Variants in CRAMP1 observed in about 807,000 individuals in gnomAD.
CRAMP1 encodes the protein protein cramped-like.
CRAMP1 carries 50 observed loss-of-function variants against 115.4 expected under a neutral mutation model. The ratio of observed to expected loss-of-function variants is 0.43; its 90% confidence interval spans 0.35 to 0.55. CRAMP1 has a LOEUF of 0.55. Among genes scored for constraint, CRAMP1 ranks in the 20% least tolerant of loss-of-function variants. The pLI is 0.01. For missense variants in CRAMP1, 1,679 were observed against 1,721.7 expected (o/e 0.98, Z 0.44); for synonymous variants, 866 against 745.4 (o/e 1.16, Z -2.64).
intron 20 of CRAMP1, 76 bp from the exon 21 acceptor site, chr16:1,673,805 C>T: frequency 7.0e-7 from 1 of 1,420,332 alleles, no homozygotes; most frequent in Non-Finnish European, 9.9e-7. Context: ...GCTTCTCGTC[C>T]TGTTTCAGGA....
At chr16:1,665,934 G>C in intron 14 of CRAMP1, 139 bp from the exon 15 acceptor site, 1 of 631,470 alleles carries the variant, frequency 1.6e-6, no homozygotes, top group African/African-American at 1.8e-5. Context: ...TTAGCATTTG[G>C]AATGTTCAGT....
In CRAMP1 at chr16:1,614,639, G is replaced by A. The variant is rs2036400862; in HGVS notation, c.-1G>A. On this transcript the variant is annotated splice_region_variant and 5_prime_UTR_variant, in exon 2 of 21. Coordinates refer to ENST00000397412, the MANE Select transcript of CRAMP1 (RefSeq NM_020825.4). This position sits in a 1 kb window ranked among gnomAD's most constrained non-coding sequence, Gnocchi z 4.4. The stretch of plus-strand genomic sequence containing the variant: ...GCCGCCTCCCCTCTCCCGGCCGCAG[G>A]ATGACAGTGAAGTTGGGCGACGGCG... 8.0e-7 allele frequency: 1 copy of A among 1,257,552 alleles called. No homozygotes were observed. Among genetic ancestry groups the A allele is most frequent in the Non-Finnish European group, 1.0e-6 (1 of 995,586 alleles). The allele number at this position is 1,257,552 out of a possible 1,614,324, so 77.9% of individuals were successfully genotyped here. A position where few individuals can be genotyped will look rare whatever the true frequency, so the allele number is the denominator to read the frequency against.
intron 6 of CRAMP1, among the ~76,000 whole-genome samples, chr16:1,642,167 C>T (rs994663415): frequency 4.6e-5 from 7 of 152,238 alleles, no homozygotes; most frequent in Admixed American, 4.6e-4. Context: ...CTTGCAGCCA[C>T]TCCTGAACAG....
In CRAMP1 at chr16:1,676,473, A is replaced by C. The variant is rs1269297162; in HGVS notation, c.*2428A>C. 3 of 152,270 alleles carry C rather than the reference A, an allele frequency of 2.0e-5. No individual in the cohort carries two copies. The highest frequency in any genetic ancestry group is 4.4e-5 in the Non-Finnish European group (3 of 68,052). 9.4% of individuals were successfully genotyped at this position (152,270 alleles called of 1,614,324 possible). ...CTGGCCTAAATGAATATTTATGTGCAAACATAGGCAACTGTTAAAGGCTGG... is the reference window on the plus strand; with the variant it reads ...CTGGCCTAAATGAATATTTATGTGCCAACATAGGCAACTGTTAAAGGCTGG... On this transcript the variant is annotated 3_prime_UTR_variant, in exon 21 of 21. Coordinates refer to ENST00000397412, the MANE Select transcript of CRAMP1 (RefSeq NM_020825.4).
chr16:1,657,395 C>T (rs545415476), intron 10 of CRAMP1, among the ~76,000 whole-genome samples: 1 of 152,340 alleles, frequency 6.6e-6, no homozygotes, highest in Non-Finnish European at 1.5e-5. Context: ...CAAGCCCAAT[C>T]ATGCAGCTGA....
rs2036955341 is a variant in CRAMP1 at position 1,675,009 on chromosome 16, G to A, written c.*964G>A. 6.6e-6 allele frequency: 1 copy of A among 152,188 alleles called. No homozygotes were observed. The highest frequency in any genetic ancestry group is 2.4e-5 in the African/African-American group (1 of 41,420). The allele number at this position is 152,188 out of a possible 1,614,324, so 9.4% of individuals were successfully genotyped here. ...CTTTGCAGGGAAAGTGTCTCTCACG[G>A]GCATTGGTGTGGGCGTGCCTGACAT... On this transcript the variant is annotated 3_prime_UTR_variant, in exon 21 of 21. Transcript: ENST00000397412.
intron 6 of CRAMP1, among the ~76,000 whole-genome samples, chr16:1,651,273 C>T (rs543904535): frequency 2.1e-4 from 32 of 150,302 alleles, no homozygotes; most frequent in Non-Finnish European, 4.3e-4. Context: ...ACTGAGATCA[C>T]GGAGAGCTGG....
chr16:1,637,744 G>T (rs2036600095), intron 4 of CRAMP1, 80 bp from the exon 5 acceptor site: 2 of 601,212 alleles, frequency 3.3e-6, no homozygotes, highest in Non-Finnish European at 5.5e-6. Flanking sequence ...AACCACGTGA[G>T]CCTGGTGTGG....
rs1368092640 is a variant in CRAMP1 at position 1,614,283 on chromosome 16, C to T, written c.-1-356C>T. Among the ~76,000 whole-genome samples, 1 of 144,160 alleles carries T rather than the reference C, an allele frequency of 6.9e-6. No homozygotes were observed. Among genetic ancestry groups the T allele is most frequent in the African/African-American group, 2.5e-5 (1 of 39,972 alleles). The allele number at this position is 144,160 out of a possible 152,430, so 94.6% of individuals were successfully genotyped here. On this transcript the variant is annotated intron_variant, in intron 1 of 20. Transcript: ENST00000397412. The surrounding 1 kb of genome is among the most constrained non-coding windows in gnomAD (Gnocchi z 4.4). ...CCCGGACCCGCAACCGTGCCCAGAC[C>T]CGCGCCCGCGCCGGGGCTCCCATAG...
chr16:1,613,653 T>C (rs1358000277), intron 1 of CRAMP1, among the ~76,000 whole-genome samples: 1 of 152,206 alleles, frequency 6.6e-6, no homozygotes, highest in Non-Finnish European at 1.5e-5. Flanking sequence ...GTCACTGCAC[T>C]TTGTTGTTGA....
chr16:1,643,680 C>T (rs570504300), intron 6 of CRAMP1, among the ~76,000 whole-genome samples: 19 of 152,348 alleles, frequency 1.2e-4, no homozygotes, highest in Admixed American at 7.2e-4. Context: ...GCAGCAGGTG[C>T]GTGGACAGCG....
rs899689704 is a variant in CRAMP1, at chr16:1,656,195, G to A, written c.1438G>A (p.Ala480Thr). The change falls in exon 10 of 21, where the codon GCT (alanine) becomes ACT (threonine). Residue 480 changes from alanine to threonine, a missense_variant. By Grantham distance (58) the Ala-to-Thr change is moderately conservative. Around this residue, in one of 8 missense-constraint regions of CRAMP1, gnomAD observed 405 missense variants for 302.6 expected, o/e 1.34. Transcript: ENST00000397412. The surrounding 1 kb of genome is among the most constrained non-coding windows in gnomAD (Gnocchi z 5.6). Reference protein sequence around the residue: ...GKGVGRPPPAADALQSSGESS... With the variant: ...GKGVGRPPPATDALQSSGESS... ...GGGTGTGGGGCGGCCCCCTCCTGCG[G>A]CTGACGCCTTGCAGAGCTCCGGAGA... 2 of 1,602,058 alleles carry A rather than the reference G, an allele frequency of 1.2e-6. No individual in the cohort carries two copies. Among genetic ancestry groups the A allele is most frequent in the African/African-American group, 1.3e-5 (1 of 74,666 alleles).
intron 3 of CRAMP1, among the ~76,000 whole-genome samples, chr16:1,629,121 G>A (rs1011355098): frequency 2.0e-5 from 3 of 152,176 alleles, no homozygotes; most frequent in Non-Finnish European, 4.4e-5. Flanking sequence ...CATCATCCAT[G>A]CTTGTTTTTG....
chr16:1,637,051 G>A (rs1188113181), intron 4 of CRAMP1, among the ~76,000 whole-genome samples: 1 of 152,200 alleles, frequency 6.6e-6, no homozygotes, highest in Non-Finnish European at 1.5e-5. Context: ...CCAGCACTTT[G>A]GGAGGTTGAG....
At chr16:1,644,774 C>G (rs1255307205) in intron 6 of CRAMP1, among the ~76,000 whole-genome samples, 3 of 152,160 alleles carry the variant, frequency 2.0e-5, no homozygotes, top group Non-Finnish European at 4.4e-5. Flanking sequence ...GAGAGCCCCT[C>G]GTTCTGGGTA....
chr16:1,629,344 AG>A (rs1431217639), intron 3 of CRAMP1, among the ~76,000 whole-genome samples: 3 of 152,174 alleles, frequency 2.0e-5, no homozygotes, highest in Non-Finnish European at 4.4e-5. Flanking sequence ...TGGACGCTGC[AG>A]GTTTCTATCT....
Position 1,621,090 on chromosome 16 carries a change from A to G in CRAMP1, c.347-4883A>G, listed in dbSNP as rs189607894. Among the ~76,000 whole-genome samples the G allele has an allele frequency of 2.7e-3, 416 of 152,306 alleles. 2 individuals carry two copies. Among genetic ancestry groups the G allele is most frequent in the Non-Finnish European group, 4.8e-3 (324 of 68,016 alleles). ...TCTGTTACTTCCAGGCCTGCTGGGC[A>G]CTGAGCAGCTGTGTGGCTTTGTGGG... On this transcript the variant is annotated intron_variant, in intron 2 of 20. Coordinates refer to ENST00000397412, the MANE Select transcript of CRAMP1 (RefSeq NM_020825.4).
intron 5 of CRAMP1, among the ~76,000 whole-genome samples, chr16:1,638,551 C>G (rs751243375): frequency 2.0e-5 from 3 of 152,174 alleles, no homozygotes; most frequent in African/African-American, 7.2e-5. Flanking sequence ...TTTGACACGA[C>G]CTCTAGGTAG....
chr16:1,639,914 T>C (rs17135456), intron 5 of CRAMP1, among the ~76,000 whole-genome samples: 2,976 of 152,324 alleles, frequency 0.02, 115 homozygotes, highest in African/African-American at 0.067. Context: ...CTCATGAGGA[T>C]GCTCAAGTTT....
Sources: allele counts gnomAD v4.1 joint callset (sites outside exome capture counted in the v4.1 genomes callset), GRCh38; gene constraint gnomAD v4.1.1; regional missense constraint gnomAD v4.1.1; non-coding constraint Gnocchi (gnomAD v3.1); transcripts MANE v1.5; gene names NCBI Gene and HGNC (gene_info 2026-07-23, HGNC 2026-07-21).